The following VWA3B variants were observed in gnomAD, a reference collection of about 807,000 sequenced individuals.
The protein encoded by VWA3B is von Willebrand factor A domain containing 3B, also known as von Willebrand factor A domain-containing protein 3B.
In VWA3B, 138 loss-of-function variants were observed where a neutral mutation model predicts 158.3. That is an observed-to-expected ratio of 0.87 (90% confidence interval 0.76 to 1.00). The LOEUF is 1.00. Ranked by LOEUF, VWA3B falls within the 50% of genes least tolerant of loss-of-function variation. VWA3B has a pLI of 0.00. For missense variants in VWA3B, 1,555 were observed against 1,565.1 expected, an observed-to-expected ratio of 0.99 and a Z score of 0.11; for synonymous variants, 596 against 587.3, an observed-to-expected ratio of 1.01 and a Z score of -0.21.
intron 6 of VWA3B, 85 bp from the exon 7 acceptor site, chr2:98,133,739 G>T: frequency 8.7e-7 from 1 of 1,153,314 alleles, no homozygotes; most frequent in South Asian, 1.3e-5. Flanking sequence ...TGCTGCCGAA[G>T]AGCACGTTCA....
rs138333191 is a variant in VWA3B at position 98,156,091 on chromosome 2, A to G, written c.989-6760A>G. Among the ~76,000 whole-genome samples, 75 of 152,284 alleles carry G rather than the reference A, an allele frequency of 4.9e-4. No homozygotes were observed. In the East Asian group the frequency reaches 0.014, roughly 29 times the overall value. ...GACAAGCATTTCAGGGGCGTCTGCC[A>G]CAGGTTCTGAGGACCACACTCTGGG... On this transcript the variant is annotated intron_variant, in intron 7 of 27. Transcript: ENST00000477737.
At chr2:98,102,160 G>A (rs912689008) in intron 2 of VWA3B, among the ~76,000 whole-genome samples, 1 of 152,206 alleles carries the variant, frequency 6.6e-6, no homozygotes, top group Non-Finnish European at 1.5e-5. Context: ...AGTTGACACA[G>A]CACATGTTTC....
intron 10 of VWA3B, among the ~76,000 whole-genome samples, chr2:98,189,641 G>T (rs1681410155): frequency 6.6e-6 from 1 of 152,086 alleles, no homozygotes; most frequent in Admixed American, 6.5e-5. Flanking sequence ...ATTTTCTCTA[G>T]TTGTTCTATA....
At chr2:98,211,729 G>A (rs1197744703) in intron 12 of VWA3B, among the ~76,000 whole-genome samples, 6 of 152,322 alleles carry the variant, frequency 3.9e-5, no homozygotes, top group Admixed American at 1.3e-4. Context: ...GCAGTCCTTG[G>A]ACTGCCCGGA....
chr2:98,318,779 G>T, the VWA3B span, among the ~76,000 whole-genome samples: 1 of 152,118 alleles, frequency 6.6e-6, no homozygotes. Context: ...TGGACTAGGT[G>T]TCCAAAAAAG....
In VWA3B at chr2:98,163,035, C is replaced by G. The variant is rs995961536; in HGVS notation, c.1114+59C>G. On this transcript the variant is annotated intron_variant, in intron 8 of 27. Transcript: ENST00000477737. ...TTCATAAATGTTACTAGCTGGGGAC[C>G]AGGGGCTGCTTCCATGTTCCTGACC... is the stretch of plus-strand genomic sequence containing the variant. 1.5e-5 allele frequency: 24 copies of G among 1,598,360 alleles called. No homozygotes were observed. In the African/African-American group the frequency reaches 3.1e-4, roughly 21 times the overall value.
intron 20 of VWA3B, 62 bp from the exon 21 acceptor site, chr2:98,256,054 CTGGGGTTA>C: frequency 6.3e-7 from 1 of 1,575,828 alleles, no homozygotes; most frequent in Admixed American, 1.7e-5. Flanking sequence ...ACTGCGGTGC[CTGGGGTTA>C]ACCTTTTGCC....
chr2:98,104,300 G>A (rs1055800344), intron 2 of VWA3B, among the ~76,000 whole-genome samples: 1 of 152,222 alleles, frequency 6.6e-6, no homozygotes, highest in Non-Finnish European at 1.5e-5. Context: ...GGCTATACAA[G>A]AAGCATGGTA....
intron 16 of VWA3B, among the ~76,000 whole-genome samples, chr2:98,231,082 T>A (rs947694353): frequency 6.6e-6 from 1 of 152,244 alleles, no homozygotes; most frequent in African/African-American, 2.4e-5. Flanking sequence ...TAACGAAGTA[T>A]GTGCAGAATC....
chr2:98,261,135 T>A (rs1159598404), intron 21 of VWA3B, among the ~76,000 whole-genome samples: 1 of 151,818 alleles, frequency 6.6e-6, no homozygotes, highest in East Asian at 1.9e-4. Flanking sequence ...TATTTTTGAT[T>A]TGTTCTAATG....
intron 7 of VWA3B, among the ~76,000 whole-genome samples, chr2:98,162,516 G>A (rs1046455355): frequency 3.3e-5 from 5 of 152,234 alleles, no homozygotes; most frequent in African/African-American, 4.8e-5. Flanking sequence ...TCCTCGCAGC[G>A]GTGACCCTGG....
At chr2:98,165,743 G>A (rs1212824505) in intron 8 of VWA3B, among the ~76,000 whole-genome samples, 4 of 152,076 alleles carry the variant, frequency 2.6e-5, no homozygotes, top group Non-Finnish European at 5.9e-5. Flanking sequence ...TGGTTGCATT[G>A]CCAGGGTTGG....
At chr2:98,284,266 G>A (rs1232679722) in intron 22 of VWA3B, among the ~76,000 whole-genome samples, 2 of 152,190 alleles carry the variant, frequency 1.3e-5, no homozygotes, top group South Asian at 2.1e-4. Context: ...TTCTGAGGAC[G>A]TGGCTCTTAA....
intron 2 of VWA3B, among the ~76,000 whole-genome samples, chr2:98,106,401 A>T (rs766314958): frequency 2.0e-5 from 3 of 152,022 alleles, no homozygotes; most frequent in Admixed American, 1.3e-4. Context: ...AACTGTGTTC[A>T]TGTCTACAAA....
chr2:98,320,039 A>C, the VWA3B span, among the ~76,000 whole-genome samples: 2 of 152,146 alleles, frequency 1.3e-5, no homozygotes, highest in Non-Finnish European at 2.9e-5. Context: ...TCCCCACCCA[A>C]ATCTCATCTT....
chr2:98,287,623 G>A (rs1689242018), intron 22 of VWA3B, among the ~76,000 whole-genome samples: 1 of 152,160 alleles, frequency 6.6e-6, no homozygotes, highest in Non-Finnish European at 1.5e-5. Flanking sequence ...GATGCTAATA[G>A]TTTCTGCATG....
chr2:98,248,244 G>A (rs1033948224), intron 19 of VWA3B, among the ~76,000 whole-genome samples: 9 of 151,838 alleles, frequency 5.9e-5, no homozygotes, highest in African/African-American at 2.2e-4. Flanking sequence ...TTGTTAGATG[G>A]CTCATAAATT....
intron 24 of VWA3B, among the ~76,000 whole-genome samples, chr2:98,298,421 T>TCTATG (rs1689960335): frequency 6.7e-6 from 1 of 148,982 alleles, no homozygotes; most frequent in Non-Finnish European, 1.5e-5. Flanking sequence ...TCTATTCTAT[T>TCTATG]CTATTCTATT....
chr2:98,121,404 TG>T lies in VWA3B; in HGVS notation c.649del (p.Val217Ter). ...WVEKLTVELT[V>X]SEAGRLDALL... ...TTGAGAAACTGACGGTTGAGCTGAC[TG>T]TGAGCGAGGCTGGCCGCCTGGATGC... On this transcript the variant is annotated frameshift_variant, in exon 5 of 28. Coordinates refer to ENST00000477737, the MANE Select transcript of VWA3B (RefSeq NM_144992.5). LOFTEE classifies it high-confidence loss of function. The T allele has an allele frequency of 6.2e-7, 1 of 1,614,228 alleles. No individual in the cohort carries two copies.
Sources: allele counts gnomAD v4.1 joint callset (sites outside exome capture counted in the v4.1 genomes callset), GRCh38; gene constraint gnomAD v4.1.1; transcripts MANE v1.5; gene names NCBI Gene and HGNC (gene_info 2026-07-23, HGNC 2026-07-21).